The following GRXCR1 variants were observed in gnomAD, a reference collection of about 807,000 sequenced individuals.
GRXCR1 encodes the protein glutaredoxin and cysteine rich domain containing 1.
A neutral mutation model predicts 27.3 loss-of-function variants in GRXCR1; 27 were observed. The observed-to-expected ratio is 0.99, with a 90% confidence interval of 0.73 to 1.37. The LOEUF (loss-of-function observed/expected upper bound fraction) is 1.37. Among genes scored for constraint, GRXCR1 ranks in the 40% most tolerant of loss-of-function variants. The probability of loss-of-function intolerance (pLI) is 0.00; values close to 1 mark genes in which losing one functional copy is unlikely to be tolerated. For missense variants in GRXCR1, 379 were observed against 354.4 expected (o/e 1.07, Z -0.56); for synonymous variants, 122 against 131.1 (o/e 0.93, Z 0.47).
rs1317031237 is a variant in GRXCR1, at chr4:43,020,404, C to T, written c.678C>T (p.Ile226=). 1 of 1,609,494 alleles carries T rather than the reference C, an allele frequency of 6.2e-7. No individual in the cohort carries two copies. The highest frequency in any genetic ancestry group is 8.5e-7 in the Non-Finnish European group (1 of 1,176,034). Residue 226 remains isoleucine (I), a synonymous_variant, in exon 3 of 4, where the codon ATC becomes ATT. Coordinates refer to ENST00000399770, the MANE Select transcript of GRXCR1 (RefSeq NM_001080476.3). ...ATGAATCAGGAGAACTGCAAGACAT[C>T]CTAACCAAAATTGAGGTAAATGTGC... is the stretch of plus-strand genomic sequence containing the variant. ...SMNESGELQD[I]LTKIERVQHP...
At chr4:43,016,047 T>C (rs1712922444) in intron 2 of GRXCR1, among the ~76,000 whole-genome samples, 1 of 152,198 alleles carries the variant, frequency 6.6e-6, no homozygotes, top group South Asian at 2.1e-4. Context: ...GATAATAGTG[T>C]TTAGAAACTC....
At chr4:42,895,228 ATT>A (rs1746321340) in intron 1 of GRXCR1, among the ~76,000 whole-genome samples, 1 of 152,092 alleles carries the variant, frequency 6.6e-6, no homozygotes, top group African/African-American at 2.4e-5. Context: ...TTACCTGCAT[ATT>A]TTTCTATGCA....
At chr4:42,931,311 C>T (rs1747299924) in intron 1 of GRXCR1, among the ~76,000 whole-genome samples, 1 of 151,924 alleles carries the variant, frequency 6.6e-6, no homozygotes, top group Non-Finnish European at 1.5e-5. Flanking sequence ...CTTCTTCCAC[C>T]CTCCAATTGG....
At chr4:43,027,706 C>A (rs1471828404) in intron 3 of GRXCR1, among the ~76,000 whole-genome samples, 2 of 152,156 alleles carry the variant, frequency 1.3e-5, no homozygotes, top group Admixed American at 6.6e-5. Flanking sequence ...AGAATATGGT[C>A]ATTCACAAGT....
intron 2 of GRXCR1, among the ~76,000 whole-genome samples, chr4:42,987,218 TA>T (rs1198360659): frequency 5.5e-5 from 1 of 18,256 alleles, no homozygotes; most frequent in Non-Finnish European, 8.8e-5. Context: ...ATATTATATA[TA>T]TATTATATAT....
Position 43,020,215 on chromosome 4 carries a change from A to G in GRXCR1, c.628-139A>G, listed in dbSNP as rs572375597. On this transcript the variant is annotated intron_variant, in intron 2 of 3. Transcript: ENST00000399770. ...GGAAAAATGTCTTCTTCTCTTTGGC[A>G]TCCTAGTTGTACATTTACTCAGCTC... The G allele has an allele frequency of 5.8e-6, 4 of 688,428 alleles. No homozygotes were observed. In the Admixed American group the frequency reaches 8.7e-5, roughly 15 times the overall value. The allele number at this position is 688,428 out of a possible 1,614,324, so 42.6% of individuals were successfully genotyped here. A position where few individuals can be genotyped will look rare whatever the true frequency, so the allele number is the denominator to read the frequency against.
intron 2 of GRXCR1, among the ~76,000 whole-genome samples, chr4:42,988,198 G>C (rs1224358440): frequency 6.6e-6 from 1 of 152,148 alleles, no homozygotes; most frequent in East Asian, 1.9e-4. Flanking sequence ...GCTTCATTCT[G>C]TCTATTATTG....
intron 2 of GRXCR1, among the ~76,000 whole-genome samples, chr4:42,986,730 G>C (rs1413061300): frequency 1.3e-5 from 2 of 152,032 alleles, no homozygotes; most frequent in Non-Finnish European, 2.9e-5. Flanking sequence ...GTTATTTTCA[G>C]GAATTTTATC....
At chr4:42,918,255 A>G (rs1746931301) in intron 1 of GRXCR1, among the ~76,000 whole-genome samples, 1 of 152,030 alleles carries the variant, frequency 6.6e-6, no homozygotes, top group African/African-American at 2.4e-5. Context: ...CCTGAAAGCC[A>G]TTTTTACTTG....
intron 2 of GRXCR1, among the ~76,000 whole-genome samples, chr4:42,984,758 C>G (rs1040393759): frequency 1.3e-5 from 2 of 152,142 alleles, no homozygotes; most frequent in Non-Finnish European, 2.9e-5. Context: ...TGAGGCCTGC[C>G]TGTTGATGAG....
At chr4:42,990,979 T>C (rs1711953984) in intron 2 of GRXCR1, among the ~76,000 whole-genome samples, 2 of 152,162 alleles carry the variant, frequency 1.3e-5, no homozygotes, top group Admixed American at 1.3e-4. Flanking sequence ...TTAGTTTTTA[T>C]CAATTTGTCT....
chr4:42,961,797 C>T (rs1270455982), intron 1 of GRXCR1, among the ~76,000 whole-genome samples: 1 of 151,934 alleles, frequency 6.6e-6, no homozygotes, highest in Non-Finnish European at 1.5e-5. Flanking sequence ...TGCATCTTGG[C>T]AGAGTGGTCT....
intron 1 of GRXCR1, among the ~76,000 whole-genome samples, chr4:42,939,029 T>C (rs1221189579): frequency 6.6e-6 from 1 of 152,100 alleles, no homozygotes; most frequent in Non-Finnish European, 1.5e-5. Context: ...AATTGCTTTT[T>C]CTACTTCTGT....
chr4:43,003,802 T>G (rs1446773735), intron 2 of GRXCR1, among the ~76,000 whole-genome samples: 1 of 152,188 alleles, frequency 6.6e-6, no homozygotes, highest in African/African-American at 2.4e-5. Context: ...GGTCTGAAAT[T>G]GGACCTTATG....
rs576161699 is a variant in GRXCR1, at chr4:43,030,608, T to TA, written c.*68_*69insA. 4.2e-4 allele frequency: 512 copies of TA among 1,209,798 alleles called. 6 individuals carry two copies. The South Asian group carries it at 5.5e-3, about 13-fold the overall frequency. 74.9% of individuals were successfully genotyped at this position (1,209,798 alleles called of 1,614,324 possible). A position where few individuals can be genotyped will look rare whatever the true frequency, so the allele number is the denominator to read the frequency against. On this transcript the variant is annotated 3_prime_UTR_variant, in exon 4 of 4. Transcript: ENST00000399770. The stretch of plus-strand genomic sequence containing the variant: ...GGCAATACTTTGGTTTATATATATA[T>TA]TTTTAAATGGTTATGTTTATGGATT...
intron 1 of GRXCR1, among the ~76,000 whole-genome samples, chr4:42,910,885 C>T (rs17534487): frequency 0.21 from 31,437 of 151,992 alleles, 3,310 homozygotes; most frequent in South Asian, 0.32. Flanking sequence ...TTTTTTCTCT[C>T]GGTTGGTTTA....
chr4:42,962,517 T>C (rs752090943), intron 1 of GRXCR1, among the ~76,000 whole-genome samples: 47 of 151,944 alleles, frequency 3.1e-4, no homozygotes, highest in Non-Finnish European at 5.7e-4. Context: ...CCTTGACTAT[T>C]CTGTGGCATA....
At chr4:42,981,062 C>A (rs1748653620) in intron 2 of GRXCR1, among the ~76,000 whole-genome samples, 1 of 151,090 alleles carries the variant, frequency 6.6e-6, no homozygotes, top group African/African-American at 2.4e-5. Context: ...TGCCATTTTG[C>A]AAGTTGTTTC....
intron 2 of GRXCR1, among the ~76,000 whole-genome samples, chr4:43,000,132 T>C (rs1289004675): frequency 6.6e-6 from 1 of 152,196 alleles, no homozygotes; most frequent in Non-Finnish European, 1.5e-5. Flanking sequence ...GTGAATCATC[T>C]CTTTGTCCAG....
Sources: gnomAD v4.1 joint callset for allele counts (sites outside exome capture counted in the v4.1 genomes callset) on GRCh38, gnomAD v4.1.1 for gene constraint, MANE v1.5 for transcripts, NCBI Gene and HGNC (gene_info 2026-07-23, HGNC 2026-07-21) for gene names.